The following RNF126 variants were observed in gnomAD, a reference collection of about 807,000 sequenced individuals.
RNF126 encodes ring finger protein 126, also known as E3 ubiquitin-protein ligase RNF126.
A neutral mutation model predicts 41.9 loss-of-function variants in RNF126; 20 were observed. That is an observed-to-expected ratio of 0.48 (90% CI 0.34 to 0.69). RNF126 has a LOEUF of 0.69. RNF126 is among the 30% of genes least tolerant of loss of function. The pLI is 0.01. For synonymous variants in RNF126, 239 were observed against 202.9 expected, an observed-to-expected ratio of 1.18 and a Z score of -1.51; for missense variants, 433 against 460.6, an observed-to-expected ratio of 0.94 and a Z score of 0.55.
At chr19:655,746 C>T (rs2030536757) in intron 1 of RNF126, among the ~76,000 whole-genome samples, 1 of 152,128 alleles carries the variant, frequency 6.6e-6, no homozygotes, top group Non-Finnish European at 1.5e-5. Flanking sequence ...TTCACATGGC[C>T]AGAACTGGCA....
intron 5 of RNF126, 139 bp from the exon 6 acceptor site, chr19:649,887 G>A (rs1001439386): frequency 4.8e-6 from 3 of 627,982 alleles, no homozygotes; most frequent in South Asian, 1.8e-5. Context: ...GCTGGGGATG[G>A]GGACAGGCAC....
intron 1 of RNF126, 115 bp downstream of exon 1, chr19:662,932 C>T (rs142002356): frequency 0.021 from 8,249 of 398,958 alleles, 573 homozygotes; most frequent in African/African-American, 0.16. Context: ...CTCAGTTTTC[C>T]CGTCGTGGTC....
chr19:652,510 G>GCCCCAACAA, intron 2 of RNF126: 1 of 602,530 alleles, frequency 1.7e-6, no homozygotes, highest in Non-Finnish European at 2.9e-6. Flanking sequence ...GACCCCAACA[G>GCCCCAACAA]CCTCCTAAGC....
chr19:661,819 C>G (rs918309765), intron 1 of RNF126, among the ~76,000 whole-genome samples: 5 of 152,194 alleles, frequency 3.3e-5, no homozygotes, highest in African/African-American at 1.2e-4. Context: ...GCAGCCTCTT[C>G]CCCTGGGCAC....
chr19:653,509 G>A (rs1005502257), intron 1 of RNF126, among the ~76,000 whole-genome samples: 9 of 152,222 alleles, frequency 5.9e-5, no homozygotes, highest in East Asian at 5.8e-4. Flanking sequence ...CAGCTGTGCC[G>A]AGCAGGACGG....
chr19:652,546 G>A, intron 2 of RNF126: 1 of 602,084 alleles, frequency 1.7e-6, no homozygotes. Flanking sequence ...GGGCCCCCGT[G>A]GCCCCTTCCC....
intron 1 of RNF126, among the ~76,000 whole-genome samples, chr19:653,760 A>T (rs1049701738): frequency 6.6e-6 from 1 of 152,160 alleles, no homozygotes; most frequent in Admixed American, 6.5e-5. Context: ...ACTGGAAGCT[A>T]AATCAACTGC....
chr19:649,454 TACA>T, intron 6 of RNF126: 1 of 560,736 alleles, frequency 1.8e-6, no homozygotes, highest in South Asian at 2.2e-5. Flanking sequence ...GCGGTTTTGC[TACA>T]ACGTTCCGCG....
At position 648,379 on chromosome 19, in the gene RNF126, A is replaced by C; in HGVS notation, c.779T>G (p.Leu260Arg). The part of the protein sequence containing the change: ...LFHDGCIVPW[L>R]EQHDSCPVCR... ...GGTGGGCGGGGCACTCACCTGCTCC[A>C]GCCAGGGCACGATGCAGCCGTCGTG... The change falls in exon 8 of 9, where the codon CTG becomes CGG. Residue 260 changes from leucine to arginine, a missense_variant. Transcript: ENST00000292363. 6.5e-7 allele frequency: 1 copy of C among 1,543,682 alleles called. No individual in the cohort carries two copies. Among genetic ancestry groups the C allele is most frequent in the African/African-American group, 1.4e-5 (1 of 73,080 alleles).
intron 1 of RNF126, among the ~76,000 whole-genome samples, chr19:654,102 G>A (rs976635388): frequency 6.6e-6 from 1 of 152,232 alleles, no homozygotes; most frequent in African/African-American, 2.4e-5. Flanking sequence ...CCCAAGGGGA[G>A]GGCCGACAGC....
intron 3 of RNF126, 47 bp from the exon 4 acceptor site, chr19:651,902 G>T: frequency 6.5e-7 from 1 of 1,541,112 alleles, no homozygotes; most frequent in Non-Finnish European, 8.8e-7. Context: ...GGCCCGTGCA[G>T]TCTGCTGGGG....
rs577138810 is a variant in RNF126, at chr19:651,563, C to T, written c.443+48G>A. 2.8e-4 allele frequency: 389 copies of T among 1,380,080 alleles called. 1 individual carries two copies. In the East Asian group the frequency reaches 8.2e-3, roughly 29 times the overall value. The allele number at this position is 1,380,080 out of a possible 1,614,324, so 85.5% of individuals were successfully genotyped here. ...GCTGGATTCTAAGCGCCAGAACTTC[C>T]GACCTCAAGGCGTGGGGCCCTCGCG... On this transcript the variant is annotated intron_variant, in intron 4 of 8. Transcript: ENST00000292363.
intron 1 of RNF126, among the ~76,000 whole-genome samples, chr19:654,279 C>G (rs1402367649): frequency 6.6e-6 from 1 of 152,232 alleles, no homozygotes; most frequent in African/African-American, 2.4e-5. Context: ...AGAAAAAGTG[C>G]GGCCCGGCTC....
Position 647,938 on chromosome 19 carries a change from A to G in RNF126, c.*190T>C. 1.5e-6 allele frequency: 1 copy of G among 665,368 alleles called. No individual in the cohort carries two copies. The highest frequency in any genetic ancestry group is 3.5e-4 in the Middle Eastern group (1 of 2,856). 41.2% of individuals were successfully genotyped at this position (665,368 alleles called of 1,614,324 possible). On this transcript the variant is annotated 3_prime_UTR_variant, in exon 9 of 9. Transcript: ENST00000292363. ...GGCTGGGGACGCCCCAGAGGGGACC[A>G]TGTGGCCCACGCCTTCCCAAGCCAG...
Position 650,226 on chromosome 19 carries a change from C to A in RNF126, c.506+8G>T, listed in dbSNP as rs753315813. ...TGGGGATGGGGACAGGCACCCCCAC[C>A]CACTCACCAGGGGCCCAGGCTGGGG... is the stretch of plus-strand genomic sequence containing the variant. On this transcript the variant is annotated splice_region_variant and intron_variant, in intron 5 of 8. Coordinates refer to ENST00000292363, the MANE Select transcript of RNF126 (RefSeq NM_194460.3). 35 of 1,570,354 alleles carry A rather than the reference C, an allele frequency of 2.2e-5. No homozygotes were observed. The South Asian group carries it at 4.0e-4, about 18-fold the overall frequency.
chr19:656,219 A>T (rs1453593212), intron 1 of RNF126, among the ~76,000 whole-genome samples: 3 of 152,026 alleles, frequency 2.0e-5, no homozygotes, highest in African/African-American at 7.3e-5. Context: ...TAAATGGGCC[A>T]GGCGCCTGTG....
chr19:652,311 C>G lies in RNF126; in HGVS notation c.135-15G>C, dbSNP rs376556991. 6.4e-7 allele frequency: 1 copy of G among 1,553,412 alleles called. No individual in the cohort carries two copies. The highest frequency in any genetic ancestry group is 1.2e-5 in the South Asian group (1 of 82,286). On this transcript the variant is annotated splice_polypyrimidine_tract_variant and intron_variant, in intron 2 of 8. Coordinates refer to ENST00000292363, the MANE Select transcript of RNF126 (RefSeq NM_194460.3). ...TTTCTGTGCTCCTGGGGAGAGAGTG[C>G]AGGTCAGCAGTGCCGGCTACCCTGT...
chr19:660,569 A>G (rs1358255130), intron 1 of RNF126, among the ~76,000 whole-genome samples: 1 of 152,126 alleles, frequency 6.6e-6, no homozygotes, highest in African/African-American at 2.4e-5. Flanking sequence ...GACTTTCCCC[A>G]TTGCCAGATA....
At chr19:662,982 G>A (rs2030875858) in intron 1 of RNF126, 65 bp downstream of exon 1, 2 of 809,296 alleles carry the variant, frequency 2.5e-6, no homozygotes, top group Non-Finnish European at 1.7e-6. Context: ...CCCCACCCCG[G>A]CCCCGGCCTT....
Sources: gnomAD v4.1 joint callset for allele counts (sites outside exome capture counted in the v4.1 genomes callset) on GRCh38, gnomAD v4.1.1 for gene constraint, MANE v1.5 for transcripts, NCBI Gene and HGNC (gene_info 2026-07-23, HGNC 2026-07-21) for gene names.